MAP4K5: variants seen among roughly 807,000 people sequenced by gnomAD.
MAP4K5 encodes mitogen-activated protein kinase kinase kinase kinase 5, also known as MAPK/ERK kinase kinase kinase 5.
Under a neutral mutation model 135.6 loss-of-function variants are expected in MAP4K5, and 82 were observed. The observed-to-expected ratio is 0.60, with a 90% CI of 0.51 to 0.73. The LOEUF (loss-of-function observed/expected upper bound fraction) is 0.73. MAP4K5 is among the 30% of genes least tolerant of loss of function. The pLI is 0.00. For synonymous variants in MAP4K5, 347 were observed against 335.0 expected (o/e 1.04, Z -0.39); for missense variants, 907 against 1,010.9 (o/e 0.90, Z 1.39).
chr14:50,428,412 T>C (rs1007228793), intron 30 of MAP4K5, among the ~76,000 whole-genome samples: 11 of 149,134 alleles, frequency 7.4e-5, no homozygotes, highest in South Asian at 4.3e-4. Flanking sequence ...CCCGCCAGCA[T>C]GCCCAGCTAA....
chr14:50,529,287 T>C (rs2038335056), intron 2 of MAP4K5, among the ~76,000 whole-genome samples: 1 of 152,042 alleles, frequency 6.6e-6, no homozygotes, highest in Admixed American at 6.6e-5. Context: ...CTTGGGGGGC[T>C]GAGGTGGGAG....
intron 1 of MAP4K5, among the ~76,000 whole-genome samples, chr14:50,553,499 G>T (rs2038728410): frequency 1.3e-5 from 2 of 152,054 alleles, no homozygotes; most frequent in Non-Finnish European, 2.9e-5. Flanking sequence ...TTACGCTGCT[G>T]GTGGGAATGT....
chr14:50,545,867 T>A (rs2038624928), intron 1 of MAP4K5, among the ~76,000 whole-genome samples: 1 of 152,216 alleles, frequency 6.6e-6, no homozygotes. Flanking sequence ...TGCACCTTTT[T>A]AAACTGATGG....
rs747198730 is a variant in MAP4K5, at chr14:50,434,479, G to A, written c.2079C>T (p.Ser693=). 3 of 1,608,428 alleles carry A rather than the reference G, an allele frequency of 1.9e-6. No individual in the cohort carries two copies. Among genetic ancestry groups the A allele is most frequent in the Non-Finnish European group, 2.5e-6 (3 of 1,177,286 alleles). The change falls in exon 28 of 33, where the codon AGC becomes AGT. Residue 693 remains serine (S), a synonymous_variant. Transcript: ENST00000682126. ...QEYPMVCVAI[S]KGTESNQVVQ... Reference sequence around the variant, plus strand: ...CTACCTGATTCGATTCAGTGCCTTTGCTAATAGCTACACAGACCATAGGGT... The same window carrying A: ...CTACCTGATTCGATTCAGTGCCTTTACTAATAGCTACACAGACCATAGGGT...
At chr14:50,485,547 T>C (rs1182376981) in intron 5 of MAP4K5, 31 bp downstream of exon 5, 6 of 1,375,140 alleles carry the variant, frequency 4.4e-6, no homozygotes, top group Non-Finnish European at 6.0e-6. Context: ...AACCAAAGTC[T>C]GTTTAAAATG....
At chr14:50,479,428 GAC>G (rs1371804307) in intron 6 of MAP4K5, among the ~76,000 whole-genome samples, 1 of 151,934 alleles carries the variant, frequency 6.6e-6, no homozygotes, top group East Asian at 1.9e-4. Flanking sequence ...AATTCCATCA[GAC>G]ACATGTTAAT....
chr14:50,445,240 C>T (rs754376185), intron 17 of MAP4K5, 46 bp from the exon 18 acceptor site: 2 of 1,575,532 alleles, frequency 1.3e-6, no homozygotes, highest in Non-Finnish European at 1.7e-6. Flanking sequence ...TATCATTAGG[C>T]ATCAGAGTCT....
intron 6 of MAP4K5, among the ~76,000 whole-genome samples, chr14:50,481,089 A>T (rs1186921537): frequency 6.6e-6 from 1 of 151,218 alleles, no homozygotes; most frequent in Non-Finnish European, 1.5e-5. Context: ...TTTCACCTCT[A>T]CTCAGTACTT....
intron 14 of MAP4K5, 186 bp downstream of exon 14, chr14:50,456,330 A>G (rs2036593522): frequency 5.4e-6 from 3 of 551,946 alleles, no homozygotes; most frequent in South Asian, 2.4e-5. Context: ...GAAAATAAAA[A>G]TTATTCAGAA....
At chr14:50,459,202 T>C (rs1024185066) in intron 13 of MAP4K5, among the ~76,000 whole-genome samples, 1 of 152,222 alleles carries the variant, frequency 6.6e-6, no homozygotes, top group Non-Finnish European at 1.5e-5. Context: ...GGAAGTTCTA[T>C]GCAACATCTT....
intron 9 of MAP4K5, among the ~76,000 whole-genome samples, chr14:50,470,546 G>C (rs367870637): frequency 2.5e-4 from 38 of 151,752 alleles, no homozygotes; most frequent in African/African-American, 8.7e-4. Flanking sequence ...AAAGTGATTT[G>C]TGTTGACTGA....
chr14:50,454,292 CTGAT>C (rs1339321958), intron 14 of MAP4K5, among the ~76,000 whole-genome samples: 2 of 152,136 alleles, frequency 1.3e-5, no homozygotes, highest in African/African-American at 4.8e-5. Context: ...TTTAAGAAAA[CTGAT>C]TGTGAAGGCT....
chr14:50,456,613 T>G lies in MAP4K5; in HGVS notation c.937-19A>C. On this transcript the variant is annotated intron_variant, in intron 13 of 32. Transcript: ENST00000682126. ...CATGGGGCTGTGAATATAAGCATAA[T>G]ATATATACTTTAACAAATTTCAATG... 1 of 1,440,798 alleles carries G rather than the reference T, an allele frequency of 6.9e-7. No individual in the cohort carries two copies. The highest frequency in any genetic ancestry group is 2.6e-5 in the East Asian group (1 of 39,026). 89.3% of individuals were successfully genotyped at this position (1,440,798 alleles called of 1,614,324 possible).
At chr14:50,559,057 T>C (rs745714461) in intron 1 of MAP4K5, 11 of 152,190 alleles carry the variant, frequency 7.2e-5, no homozygotes, top group Non-Finnish European at 1.2e-4. Flanking sequence ...TAAACACACC[T>C]CTGGTATAAT....
chr14:50,509,673 T>TAAA (rs58110395), intron 2 of MAP4K5, among the ~76,000 whole-genome samples: 9 of 144,646 alleles, frequency 6.2e-5, no homozygotes, highest in South Asian at 2.2e-4. Context: ...GAACTGGAAT[T>TAAA]AAAAAAAAAA....
At chr14:50,560,553 C>A in intron 1 of MAP4K5, 1 of 543,452 alleles carries the variant, frequency 1.8e-6, no homozygotes, top group South Asian at 2.0e-5. Flanking sequence ...CTTCCCCACC[C>A]CCCTCCCGCC....
chr14:50,493,569 A>T lies in MAP4K5; in HGVS notation c.167-7375T>A, dbSNP rs1482231857. Among the ~76,000 whole-genome samples the T allele has an allele frequency of 3.9e-5, 6 of 152,314 alleles. No homozygotes were observed. The South Asian group carries it at 1.2e-3, about 32-fold the overall frequency. ...GTATAGAAAATCCTAAAGTCCATTA[A>T]AAAAATCTATTAGAACAAATAAACA... On this transcript the variant is annotated intron_variant, in intron 3 of 32. Transcript: ENST00000682126.
At chr14:50,432,623 G>C (rs1410114369) in intron 28 of MAP4K5, among the ~76,000 whole-genome samples, 1 of 148,996 alleles carries the variant, frequency 6.7e-6, no homozygotes, top group Non-Finnish European at 1.5e-5. Flanking sequence ...CTCAAAAACA[G>C]GACTCACTGA....
At chr14:50,494,210 C>T (rs2037546829) in intron 3 of MAP4K5, among the ~76,000 whole-genome samples, 1 of 151,698 alleles carries the variant, frequency 6.6e-6, no homozygotes, top group Admixed American at 6.6e-5. Context: ...GCCTGTCACC[C>T]AGGCTGGAGT....
Sources: gnomAD v4.1 joint callset for allele counts (sites outside exome capture counted in the v4.1 genomes callset) on GRCh38, gnomAD v4.1.1 for gene constraint, MANE v1.5 for transcripts, NCBI Gene and HGNC (gene_info 2026-07-23, HGNC 2026-07-21) for gene names.